EPRS1: variants seen among roughly 807,000 people sequenced by gnomAD.
EPRS1 encodes the protein bifunctional glutamate/proline--tRNA ligase.
Under a neutral mutation model 188.3 loss-of-function variants are expected in EPRS1, and 107 were observed. The ratio of observed to expected loss-of-function variants is 0.57; its 90% CI spans 0.49 to 0.67. EPRS1 has a LOEUF of 0.67. EPRS1 is among the 30% of genes least tolerant of loss of function. The probability of loss-of-function intolerance (pLI) is 0.00; values close to 1 mark genes in which losing one functional copy is unlikely to be tolerated. For missense variants in EPRS1, 1,577 were observed against 1,802.2 expected (o/e 0.88, Z 2.26); for synonymous variants, 596 against 593.1 (o/e 1.00, Z -0.07).
intron 28 of EPRS1, among the ~76,000 whole-genome samples, chr1:219,977,783 T>C (rs1245064550): frequency 6.6e-6 from 1 of 152,180 alleles, no homozygotes; most frequent in Non-Finnish European, 1.5e-5. Flanking sequence ...ATTAGCAACT[T>C]TGGGAACCCT....
At chr1:220,027,662 G>C (rs1345446574) in intron 6 of EPRS1, among the ~76,000 whole-genome samples, 1 of 149,198 alleles carries the variant, frequency 6.7e-6, no homozygotes, top group East Asian at 2.0e-4. Context: ...AACATATTTA[G>C]GGCTATTCAA....
At chr1:220,002,742 C>G (rs943928923) in intron 16 of EPRS1, among the ~76,000 whole-genome samples, 4 of 152,008 alleles carry the variant, frequency 2.6e-5, no homozygotes, top group Non-Finnish European at 4.4e-5. Context: ...TATCTGTAGC[C>G]CCAGCTACTC....
At chr1:220,038,757 T>C (rs907515047) in intron 2 of EPRS1, among the ~76,000 whole-genome samples, 1 of 152,022 alleles carries the variant, frequency 6.6e-6, no homozygotes, top group South Asian at 2.1e-4. Flanking sequence ...TCAGAATAAA[T>C]GGACCAGGAA....
In EPRS1 at chr1:220,034,913, C is replaced by T; in HGVS notation, c.231+1G>A. On this transcript the variant is annotated splice_donor_variant, in intron 3 of 31. Transcript: ENST00000366923. LOFTEE classifies it high-confidence loss of function. ...CACACAACAAAATGTTCATTGCTTACCTCAGTATGTTCCATCAGATTAGAG... is the reference window on the plus strand; with the variant it reads ...CACACAACAAAATGTTCATTGCTTATCTCAGTATGTTCCATCAGATTAGAG... 2 of 1,531,990 alleles carry T rather than the reference C, an allele frequency of 1.3e-6. No individual in the cohort carries two copies. The highest frequency in any genetic ancestry group is 1.4e-5 in the African/African-American group (1 of 73,370). The allele number at this position is 1,531,990 out of a possible 1,614,324, so 94.9% of individuals were successfully genotyped here. A position where few individuals can be genotyped will look rare whatever the true frequency, so the allele number is the denominator to read the frequency against.
intron 13 of EPRS1, 67 bp downstream of exon 13, chr1:220,010,879 T>C: frequency 1.1e-6 from 1 of 897,428 alleles, no homozygotes. Flanking sequence ...GAAAGCACAT[T>C]TTCCTTTTTA....
Position 220,006,154 on chromosome 1 carries a change from C to A in EPRS1, c.1902G>T (p.Val634=), listed in dbSNP as rs1224456338. Reference sequence around the variant, plus strand: ...GCTTAAAGTCCTCGTCTTTTCCTAGCACTGGCTTTGTGATCAAGTGCTCAT... The same window carrying A: ...GCTTAAAGTCCTCGTCTTTTCCTAGAACTGGCTTTGTGATCAAGTGCTCAT... ...VTYEHLITKP[V]LGKDEDFKQY... The change falls in exon 15 of 32, where the codon GTG becomes GTT. Residue 634 remains valine (V), a synonymous_variant. Transcript: ENST00000366923. 3.1e-6 allele frequency: 5 copies of A among 1,596,702 alleles called. No individual in the cohort carries two copies. The highest frequency in any genetic ancestry group is 3.4e-6 in the Non-Finnish European group (4 of 1,169,570).
chr1:220,046,222 G>T, intron 1 of EPRS1, 121 bp downstream of exon 1: 1 of 1,189,056 alleles, frequency 8.4e-7, no homozygotes, highest in South Asian at 1.3e-5. Flanking sequence ...GGGGCGAGGG[G>T]CAGGTCCAAC....
In EPRS1 at chr1:219,973,387, A is replaced by G. The variant is rs1660706760; in HGVS notation, c.4095T>C (p.Ile1365=). ...TATCACGTGGCCCAACTTCAAGTCTAATGGGAACTCCCTATAAGATAAAAA... is the reference window on the plus strand; with the variant it reads ...TATCACGTGGCCCAACTTCAAGTCTGATGGGAACTCCCTATAAGATAAAAA... ...FNHWELKGVP[I]RLEVGPRDMK... The change falls in exon 29 of 32, where the codon ATT becomes ATC. Residue 1365 remains isoleucine, a synonymous_variant. Transcript: ENST00000366923. The G allele has an allele frequency of 1.9e-6, 3 of 1,611,706 alleles. No homozygotes were observed. The highest frequency in any genetic ancestry group is 2.5e-6 in the Non-Finnish European group (3 of 1,178,834).
chr1:219,984,054 A>G (rs1571660005), intron 21 of EPRS1, 152 bp downstream of exon 21: 2 of 614,020 alleles, frequency 3.3e-6, no homozygotes, highest in Non-Finnish European at 5.9e-6. Context: ...CATGTTGAAA[A>G]ATAATGTCAT....
chr1:220,010,020 C>T (rs1239089475), intron 13 of EPRS1, among the ~76,000 whole-genome samples: 3 of 139,010 alleles, frequency 2.2e-5, no homozygotes, highest in African/African-American at 2.7e-5. Flanking sequence ...CACTTGAAGC[C>T]GGGAGGCAGA....
chr1:219,972,767 T>C (rs950047872), intron 29 of EPRS1, among the ~76,000 whole-genome samples: 3 of 152,224 alleles, frequency 2.0e-5, no homozygotes, highest in African/African-American at 7.2e-5. Context: ...CTATCCCTCA[T>C]TCCCAACCCC....
chr1:219,979,818 G>T (rs190734259), intron 26 of EPRS1, among the ~76,000 whole-genome samples: 43 of 152,126 alleles, frequency 2.8e-4, no homozygotes, highest in African/African-American at 9.2e-4. Context: ...CAAGCATTTT[G>T]CTCTGGGCAG....
intron 18 of EPRS1, among the ~76,000 whole-genome samples, chr1:219,996,619 C>T (rs937738789): frequency 1.3e-5 from 2 of 152,118 alleles, no homozygotes; most frequent in Non-Finnish European, 2.9e-5. Flanking sequence ...TCTTTGTTCC[C>T]CCATAATGGC....
intron 28 of EPRS1, 51 bp from the exon 29 acceptor site, chr1:219,973,449 A>C (rs1234332212): frequency 2.2e-6 from 3 of 1,335,826 alleles, no homozygotes; most frequent in Admixed American, 3.9e-5. Context: ...CTCCAGTTGA[A>C]TATACAGATG....
Position 219,968,627 on chromosome 1 carries a change from TG to T in EPRS1, c.*178del. Reference sequence around the variant, plus strand: ...AGTTCATGATATTTATTACTGGAGTTGTTTACAGAAAAGTCTTTTATCCACT... The same window carrying T: ...AGTTCATGATATTTATTACTGGAGTTTTTACAGAAAAGTCTTTTATCCACT... On this transcript the variant is annotated 3_prime_UTR_variant, in exon 32 of 32. Coordinates refer to ENST00000366923, the MANE Select transcript of EPRS1 (RefSeq NM_004446.3). 1.7e-6 allele frequency: 1 copy of T among 577,942 alleles called. No individual in the cohort carries two copies. The highest frequency in any genetic ancestry group is 3.1e-6 in the Non-Finnish European group (1 of 324,954). 35.8% of individuals were successfully genotyped at this position (577,942 alleles called of 1,614,324 possible). A position where few individuals can be genotyped will look rare whatever the true frequency, so the allele number is the denominator to read the frequency against.
chr1:219,984,283 AAT>A, intron 20 of EPRS1, 26 bp from the exon 21 acceptor site: 1 of 1,568,962 alleles, frequency 6.4e-7, no homozygotes, highest in South Asian at 1.1e-5. Context: ...GTAAAAGATA[AAT>A]ATCTTCATTC....
chr1:220,014,199 G>T (rs1480989294), intron 12 of EPRS1, among the ~76,000 whole-genome samples: 1 of 151,910 alleles, frequency 6.6e-6, no homozygotes, highest in East Asian at 1.9e-4. Flanking sequence ...GTGGTGGCAG[G>T]CACATGTAAT....
intron 2 of EPRS1, among the ~76,000 whole-genome samples, chr1:220,038,408 T>TTTTTTTG (rs1571699867): frequency 2.1e-5 from 3 of 143,342 alleles, no homozygotes; most frequent in African/African-American, 2.5e-5. Context: ...TTTTTTTTTT[T>TTTTTTTG]GAGACAGGGT....
chr1:220,016,744 C>CAAA (rs554698325), intron 12 of EPRS1, among the ~76,000 whole-genome samples: 1 of 20,216 alleles, frequency 4.9e-5, no homozygotes, highest in East Asian at 2.4e-3. Flanking sequence ...AAAACAAAAA[C>CAAA]AAAAACAAAA....
Sources: gnomAD v4.1 joint callset for allele counts (sites outside exome capture counted in the v4.1 genomes callset) on GRCh38, gnomAD v4.1.1 for gene constraint, MANE v1.5 for transcripts, NCBI Gene and HGNC (gene_info 2026-07-23, HGNC 2026-07-21) for gene names.